OR2A42: variants seen among roughly 807,000 people sequenced by gnomAD.
OR2A42 encodes the protein olfactory receptor 2A1/2A42.
For missense variants in OR2A42, 3 were observed against 104.1 expected (o/e 0.03, Z 4.23); for synonymous variants, 5 against 46.4 (o/e 0.11, Z 3.63).
intron 2 of OR2A42, among the ~76,000 whole-genome samples, chr7:144,238,222 CTTTA>C (rs1261056296): frequency 8.2e-6 from 1 of 121,850 alleles, no homozygotes; most frequent in African/African-American, 3.3e-5. Flanking sequence ...ATGATGTATT[CTTTA>C]TTTATTTAAA....
Position 144,232,540 on chromosome 7 carries a change from G to C in OR2A42, c.304C>G (p.Leu102Val), listed in dbSNP as rs1238417599. The C allele has an allele frequency of 7.4e-6, 6 of 812,462 alleles. 1 individual carries two copies. The highest frequency in any genetic ancestry group is 1.2e-5 in the Non-Finnish European group (6 of 506,046). The allele number at this position is 812,462 out of a possible 1,614,324, so 50.3% of individuals were successfully genotyped here. Reference protein sequence around the residue: ...SFAGCMTQTFLCLSFGHSECL... With the variant: ...SFAGCMTQTFVCLSFGHSECL... ...TCGCTGTGTCCAAAACTCAAACAGA[G>C]AAAGGTCTGCGTCATGCAACCAGCA... The change falls in exon 3 of 3, where the codon CTC becomes GTC. Residue 102 changes from leucine to valine, a missense_variant. Coordinates refer to ENST00000641810, the MANE Select transcript of OR2A42 (RefSeq NM_001001802.3).
rs1378183419 is a variant in OR2A42 at position 144,229,525 on chromosome 7, C to A, written c.*2386G>T. The A allele has an allele frequency of 7.3e-6, 1 of 136,242 alleles. No individual in the cohort carries two copies. Among genetic ancestry groups the A allele is most frequent in the African/African-American group, 2.7e-5 (1 of 37,008 alleles). The allele number at this position is 136,242 out of a possible 1,614,324, so 8.4% of individuals were successfully genotyped here. On this transcript the variant is annotated 3_prime_UTR_variant, in exon 3 of 3. Coordinates refer to ENST00000641810, the MANE Select transcript of OR2A42 (RefSeq NM_001001802.3). ...GGGTCCACACAGGCAACCGCCTGAG[C>A]ATGGTTTCTGCACACCATGATTTCC...
rs1414315996 is a variant in OR2A42, at chr7:144,238,654, G to T, written c.-227C>A. Reference sequence around the variant, plus strand: ...AAATGTATCAGAATCCTCAGAAAAGGAGGTGTTATTCTCTGATGTGCTCAG... The same window carrying T: ...AAATGTATCAGAATCCTCAGAAAAGTAGGTGTTATTCTCTGATGTGCTCAG... On this transcript the variant is annotated 5_prime_UTR_variant, in exon 2 of 3. Coordinates refer to ENST00000641810, the MANE Select transcript of OR2A42 (RefSeq NM_001001802.3). 3 of 150,826 alleles carry T rather than the reference G, an allele frequency of 2.0e-5. No individual in the cohort carries two copies. Among genetic ancestry groups the T allele is most frequent in the African/African-American group, 7.3e-5 (3 of 41,244 alleles). The allele number at this position is 150,826 out of a possible 1,614,324, so 9.3% of individuals were successfully genotyped here. A position where few individuals can be genotyped will look rare whatever the true frequency, so the allele number is the denominator to read the frequency against.
chr7:144,237,764 C>A (rs1489514282), intron 2 of OR2A42, among the ~76,000 whole-genome samples: 1 of 149,762 alleles, frequency 6.7e-6, no homozygotes, highest in African/African-American at 2.5e-5. Context: ...TTAATGAACT[C>A]TCCACATTCT....
Position 144,229,515 on chromosome 7 carries a change from ACCGCCTGAG to A in OR2A42, c.*2387_*2395del, listed in dbSNP as rs2052343610. 1 of 127,174 alleles carries A rather than the reference ACCGCCTGAG, an allele frequency of 7.9e-6. No individual in the cohort carries two copies. Among genetic ancestry groups the A allele is most frequent in the Non-Finnish European group, 1.7e-5 (1 of 57,852 alleles). 7.9% of individuals were successfully genotyped at this position (127,174 alleles called of 1,614,324 possible). A position where few individuals can be genotyped will look rare whatever the true frequency, so the allele number is the denominator to read the frequency against. On this transcript the variant is annotated 3_prime_UTR_variant, in exon 3 of 3. Coordinates refer to ENST00000641810, the MANE Select transcript of OR2A42 (RefSeq NM_001001802.3). The stretch of plus-strand genomic sequence containing the variant: ...ACAGAATTTAGGGTCCACACAGGCA[ACCGCCTGAG>A]CATGGTTTCTGCACACCATGATTTC...
At chr7:144,235,559 C>G (rs2052417064) in intron 2 of OR2A42, among the ~76,000 whole-genome samples, 1 of 152,130 alleles carries the variant, frequency 6.6e-6, no homozygotes, top group African/African-American at 2.4e-5. Flanking sequence ...ACTGTGTGGA[C>G]AAATTAATCA....
chr7:144,237,761 A>G (rs2052449894), intron 2 of OR2A42, among the ~76,000 whole-genome samples: 2 of 149,968 alleles, frequency 1.3e-5, no homozygotes, highest in African/African-American at 4.9e-5. Flanking sequence ...ACATTAATGA[A>G]CTCTCCACAT....
rs1472734002 is a variant in OR2A42, at chr7:144,229,109, A to G, written c.*2802T>C. 1 of 148,012 alleles carries G rather than the reference A, an allele frequency of 6.8e-6. No homozygotes were observed. The highest frequency in any genetic ancestry group is 1.5e-5 in the Non-Finnish European group (1 of 66,676). The allele number at this position is 148,012 out of a possible 1,614,324, so 9.2% of individuals were successfully genotyped here. A position where few individuals can be genotyped will look rare whatever the true frequency, so the allele number is the denominator to read the frequency against. ...GCACCAATGCTCTTCCTGTTTAAAG[A>G]GCAATTTTGGTTCCAGATCAGAAAG... is the stretch of plus-strand genomic sequence containing the variant. On this transcript the variant is annotated 3_prime_UTR_variant, in exon 3 of 3. Transcript: ENST00000641810.
chr7:144,235,599 C>T (rs2052417587), intron 2 of OR2A42, among the ~76,000 whole-genome samples: 1 of 152,192 alleles, frequency 6.6e-6, no homozygotes, highest in Non-Finnish European at 1.5e-5. Flanking sequence ...TGAATGAATG[C>T]ATAGTTTTTT....
chr7:144,237,725 A>C, intron 2 of OR2A42, among the ~76,000 whole-genome samples: 1 of 150,248 alleles, frequency 6.7e-6, no homozygotes, highest in East Asian at 1.9e-4. Flanking sequence ...ACTAGATATC[A>C]ATTTGATTAA....
intron 1 of OR2A42, 181 bp from the exon 2 acceptor site, chr7:144,238,924 G>T (rs1279127452): frequency 1.3e-5 from 2 of 150,232 alleles, no homozygotes; most frequent in Non-Finnish European, 3.0e-5. Context: ...CCAAGCTTCA[G>T]ATGGTTCAAG....
At chr7:144,235,580 A>G (rs2052417330) in intron 2 of OR2A42, among the ~76,000 whole-genome samples, 1 of 152,184 alleles carries the variant, frequency 6.6e-6, no homozygotes, top group African/African-American at 2.4e-5. Flanking sequence ...ATAAATACAA[A>G]TGAATAAATG....
chr7:144,228,507 G>A lies in OR2A42; in HGVS notation c.*3404C>T, dbSNP rs1202011858. ...TATTTGATGTAAGAATTTTTCTAAA[G>A]CATTTTATGCAGTGCCAACCACATA... On this transcript the variant is annotated 3_prime_UTR_variant, in exon 3 of 3. Coordinates refer to ENST00000641810, the MANE Select transcript of OR2A42 (RefSeq NM_001001802.3). 4.2e-5 allele frequency: 5 copies of A among 117,882 alleles called. 2 individuals carry two copies. The highest frequency in any genetic ancestry group is 6.0e-4 in the East Asian group (2 of 3,312). 7.3% of individuals were successfully genotyped at this position (117,882 alleles called of 1,614,324 possible). A position where few individuals can be genotyped will look rare whatever the true frequency, so the allele number is the denominator to read the frequency against.
At position 144,232,284 on chromosome 7, in the gene OR2A42, GC is replaced by G. The variant is rs1563080148; in HGVS notation, c.559del (p.Ala187ProfsTer39). ...FCEILSVLRL[A>X]CADTWLNQVV... ...CTGGTTGAGCCAGGTGTCAGCACAG[GC>G]CAGCCTGAGGACAGACAGGATTTCA... On this transcript the variant is annotated frameshift_variant, in exon 3 of 3. Coordinates refer to ENST00000641810, the MANE Select transcript of OR2A42 (RefSeq NM_001001802.3). LOFTEE classifies it low-confidence loss of function (END_TRUNC). 3 of 396,406 alleles carry G rather than the reference GC, an allele frequency of 7.6e-6. 1 individual carries two copies. Among genetic ancestry groups the G allele is most frequent in the Non-Finnish European group, 1.3e-5 (3 of 223,786 alleles). The allele number at this position is 396,406 out of a possible 1,614,324, so 24.6% of individuals were successfully genotyped here.
chr7:144,235,754 A>G (rs2052419674), intron 2 of OR2A42, among the ~76,000 whole-genome samples: 1 of 152,008 alleles, frequency 6.6e-6, no homozygotes, highest in Admixed American at 6.5e-5. Context: ...TAAATTTACC[A>G]AAGGGTTGGC....
At chr7:144,235,249 C>G (rs1269207469) in intron 2 of OR2A42, among the ~76,000 whole-genome samples, 2 of 148,044 alleles carry the variant, frequency 1.4e-5, no homozygotes, top group African/African-American at 5.1e-5. Flanking sequence ...GAACCGTGTA[C>G]CCAGTCTACA....
intron 2 of OR2A42, among the ~76,000 whole-genome samples, chr7:144,237,953 AT>A (rs1483905196): frequency 1.4e-5 from 2 of 142,466 alleles, no homozygotes; most frequent in African/African-American, 2.6e-5. Context: ...GATAGTACCT[AT>A]TTTATGAGGT....
In OR2A42 at chr7:144,230,535, G is replaced by C. The variant is rs1428172028; in HGVS notation, c.*1376C>G. The C allele has an allele frequency of 7.4e-5, 11 of 148,496 alleles. No individual in the cohort carries two copies. Among genetic ancestry groups the C allele is most frequent in the Non-Finnish European group, 1.6e-4 (11 of 67,194 alleles). 9.2% of individuals were successfully genotyped at this position (148,496 alleles called of 1,614,324 possible). On this transcript the variant is annotated 3_prime_UTR_variant, in exon 3 of 3. Coordinates refer to ENST00000641810, the MANE Select transcript of OR2A42 (RefSeq NM_001001802.3). ...ACTGTGCGTATATGTGTGTGTGTGT[G>C]TGTGCGCGCACGCATGTACGTGAGC...
Position 144,228,950 on chromosome 7 carries a change from TCA to T in OR2A42, c.*2959_*2960del, listed in dbSNP as rs1321233102. 1 of 148,668 alleles carries T rather than the reference TCA, an allele frequency of 6.7e-6. No individual in the cohort carries two copies. The highest frequency in any genetic ancestry group is 1.5e-5 in the Non-Finnish European group (1 of 66,764). The allele number at this position is 148,668 out of a possible 1,614,324, so 9.2% of individuals were successfully genotyped here. On this transcript the variant is annotated 3_prime_UTR_variant, in exon 3 of 3. Transcript: ENST00000641810. The stretch of plus-strand genomic sequence containing the variant: ...TCCCCGGGAGCCTTTGCCAGCTGAC[TCA>T]CAGAGGTTCCCTGAGTCTGGGCCAC...
Sources: allele counts gnomAD v4.1 joint callset (sites outside exome capture counted in the v4.1 genomes callset), GRCh38; gene constraint gnomAD v4.1.1; transcripts MANE v1.5; gene names NCBI Gene and HGNC (gene_info 2026-07-23, HGNC 2026-07-21).